EDN1: variants seen among roughly 807,000 people sequenced by gnomAD.
The protein encoded by EDN1 is endothelin 1, also known as endothelin-1.
EDN1 carries 11 observed loss-of-function variants against 21.7 expected under a neutral mutation model. The ratio of observed to expected loss-of-function variants is 0.51; its 90% confidence interval spans 0.32 to 0.84. The LOEUF (loss-of-function observed/expected upper bound fraction) is 0.84. EDN1 is among the 40% of genes least tolerant of loss of function. The pLI, the probability that EDN1 is intolerant of heterozygous loss-of-function variation, is 0.03. For missense variants in EDN1, 244 were observed against 262.3 expected (o/e 0.93, Z 0.48); for synonymous variants, 85 against 90.6 (o/e 0.94, Z 0.35).
At chr6:12,255,361 A>C in the EDN1 span, among the ~76,000 whole-genome samples, 1 of 152,230 alleles carries the variant, frequency 6.6e-6, no homozygotes, top group African/African-American at 2.4e-5. Flanking sequence ...AAAATTATAA[A>C]GCTCATAAAG....
chr6:12,284,453 A>G, the EDN1 span, among the ~76,000 whole-genome samples: 1 of 151,794 alleles, frequency 6.6e-6, no homozygotes. Context: ...TCCAGGTTGC[A>G]GTGAGCCGTG....
chr6:12,267,179 C>G, the EDN1 span, among the ~76,000 whole-genome samples: 1 of 152,106 alleles, frequency 6.6e-6, no homozygotes, highest in Non-Finnish European at 1.5e-5. Flanking sequence ...CACCATTTTT[C>G]CAACAGAAGT....
chr6:12,270,529 T>C, the EDN1 span, among the ~76,000 whole-genome samples: 1 of 152,298 alleles, frequency 6.6e-6, no homozygotes, highest in Middle Eastern at 3.4e-3. Flanking sequence ...AATTTCTTTA[T>C]TGACCCATTG....
At chr6:12,253,194 T>C in the EDN1 span, among the ~76,000 whole-genome samples, 1 of 152,096 alleles carries the variant, frequency 6.6e-6, no homozygotes, top group Admixed American at 6.6e-5. Flanking sequence ...AGACTCCCAA[T>C]GAGCAATGAA....
chr6:12,271,213 A>G, the EDN1 span, among the ~76,000 whole-genome samples: 8 of 151,946 alleles, frequency 5.3e-5, no homozygotes, highest in Non-Finnish European at 1.0e-4. Context: ...TACTCCTGCT[A>G]TTTTATTAAT....
chr6:12,281,737 T>TGTTA, the EDN1 span, among the ~76,000 whole-genome samples: 2 of 152,038 alleles, frequency 1.3e-5, no homozygotes, highest in Admixed American at 1.3e-4. Context: ...TTTTCTGATA[T>TGTTA]GTTATATTTG....
At chr6:12,232,889 T>C in the EDN1 span, among the ~76,000 whole-genome samples, 1 of 152,316 alleles carries the variant, frequency 6.6e-6, no homozygotes, top group East Asian at 1.9e-4. Context: ...TGGCAAACTT[T>C]CTTTTATTTT....
chr6:12,288,879 T>A (rs1347399468), upstream of EDN1, among the ~76,000 whole-genome samples: 1 of 152,138 alleles, frequency 6.6e-6, no homozygotes, highest in African/African-American at 2.4e-5. Flanking sequence ...CCAGAAAAAC[T>A]GGAGTAAAAC....
At chr6:12,250,718 T>TA in the EDN1 span, among the ~76,000 whole-genome samples, 1 of 152,120 alleles carries the variant, frequency 6.6e-6, no homozygotes, top group Non-Finnish European at 1.5e-5. Flanking sequence ...TATCGCACCA[T>TA]AAAAATACAC....
chr6:12,270,738 G>A, the EDN1 span, among the ~76,000 whole-genome samples: 14 of 152,310 alleles, frequency 9.2e-5, no homozygotes, highest in African/African-American at 3.1e-4. Flanking sequence ...TGCGAAGAAT[G>A]TGTATTCTGT....
the EDN1 span, among the ~76,000 whole-genome samples, chr6:12,249,817 A>G: frequency 6.6e-6 from 1 of 152,022 alleles, no homozygotes; most frequent in Admixed American, 6.6e-5. Context: ...CGACAGTCCT[A>G]CTGCTGATTA....
At chr6:12,274,761 G>A in the EDN1 span, among the ~76,000 whole-genome samples, 2 of 149,070 alleles carry the variant, frequency 1.3e-5, no homozygotes, top group Non-Finnish European at 2.9e-5. Flanking sequence ...TGAGATCAGA[G>A]CTAACTGTCC....
At chr6:12,258,149 CT>C in the EDN1 span, among the ~76,000 whole-genome samples, 2 of 151,716 alleles carry the variant, frequency 1.3e-5, no homozygotes, top group Admixed American at 1.3e-4. Context: ...AAAATCAGAC[CT>C]TATTCTTTTA....
the EDN1 span, among the ~76,000 whole-genome samples, chr6:12,276,363 A>G: frequency 1.3e-5 from 2 of 152,198 alleles, no homozygotes; most frequent in African/African-American, 4.8e-5. Flanking sequence ...CTATGAATTC[A>G]ATCTGTACTT....
chr6:12,245,194 C>T, the EDN1 span, among the ~76,000 whole-genome samples: 1 of 152,084 alleles, frequency 6.6e-6, no homozygotes, highest in Non-Finnish European at 1.5e-5. Context: ...ACATTTATCA[C>T]GTATTATTTT....
At chr6:12,244,855 C>T in the EDN1 span, among the ~76,000 whole-genome samples, 6 of 152,190 alleles carry the variant, frequency 3.9e-5, no homozygotes, top group Non-Finnish European at 5.9e-5. Context: ...GGTATTCTAA[C>T]ATTAAATTAC....
At chr6:12,292,905 G>T (rs1762722104) in intron 2 of EDN1, among the ~76,000 whole-genome samples, 1 of 152,234 alleles carries the variant, frequency 6.6e-6, no homozygotes, top group Admixed American at 6.5e-5. Flanking sequence ...CTGAGAGGCA[G>T]AAGTGATGAT....
chr6:12,287,688 C>CCTCT (rs757039157), upstream of EDN1, among the ~76,000 whole-genome samples: 3,842 of 111,916 alleles, frequency 0.034, 92 homozygotes, highest in Non-Finnish European at 0.044. Flanking sequence ...TCTCTCTCTC[C>CCTCT]CTCTCTCTCT....
At chr6:12,237,098 T>G in the EDN1 span, among the ~76,000 whole-genome samples, 55,476 of 151,612 alleles carry the variant, frequency 0.37, 10,480 homozygotes, top group South Asian at 0.48. Flanking sequence ...CTGTCCTTGC[T>G]ATAGTTTGCT....
Sources: allele counts gnomAD v4.1 joint callset (sites outside exome capture counted in the v4.1 genomes callset), GRCh38; gene constraint gnomAD v4.1.1; transcripts MANE v1.5; gene names NCBI Gene and HGNC (gene_info 2026-07-23, HGNC 2026-07-21).